ACAT2: variants seen among roughly 807,000 people sequenced by gnomAD.
ACAT2 encodes acetyl-CoA acetyltransferase, cytosolic.
Under a neutral mutation model 37.1 loss-of-function variants are expected in ACAT2, and 26 were observed. The observed-to-expected ratio is 0.70, with a 90% confidence interval of 0.51 to 0.97. ACAT2 has a LOEUF of 0.97. ACAT2 is among the 50% of genes least tolerant of loss of function. ACAT2 has a pLI of 0.00. For missense variants in ACAT2, 468 were observed against 489.0 expected, an observed-to-expected ratio of 0.96 and a Z score of 0.40; for synonymous variants, 156 against 163.6, an observed-to-expected ratio of 0.95 and a Z score of 0.35.
chr6:159,773,548 C>A (rs1780370428), intron 4 of ACAT2, among the ~76,000 whole-genome samples: 1 of 152,108 alleles, frequency 6.6e-6, no homozygotes, highest in African/African-American at 2.4e-5. Flanking sequence ...GAATTTTGAA[C>A]AATTTGAGCA....
chr6:159,762,664 T>C (rs1780169556), intron 1 of ACAT2: 2 of 1,464,816 alleles, frequency 1.4e-6, no homozygotes, highest in South Asian at 2.4e-5. Flanking sequence ...TCCTTCGGAT[T>C]TGGGGAAATA....
At chr6:159,778,398 G>GA in intron 8 of ACAT2, 118 bp downstream of exon 8, 1 of 581,216 alleles carries the variant, frequency 1.7e-6, no homozygotes, top group South Asian at 2.6e-5. Context: ...TAGTTACTAG[G>GA]ACTGAGTTCA....
At chr6:159,762,226 G>A (rs1372785790) in intron 1 of ACAT2, 84 bp downstream of exon 1, 1 of 1,479,874 alleles carries the variant, frequency 6.8e-7, no homozygotes, top group East Asian at 2.5e-5. Flanking sequence ...GTGTAGGAGA[G>A]GGGCGTATGT....
rs1048452042 is a variant in ACAT2, at chr6:159,762,353, T to A, written c.55+211T>A. 4 of 1,275,542 alleles carry A rather than the reference T, an allele frequency of 3.1e-6. No homozygotes were observed. The African/African-American group carries it at 6.0e-5, about 19-fold the overall frequency. The allele number at this position is 1,275,542 out of a possible 1,614,324, so 79.0% of individuals were successfully genotyped here. On this transcript the variant is annotated intron_variant, in intron 1 of 8. Coordinates refer to ENST00000367048, the MANE Select transcript of ACAT2 (RefSeq NM_005891.3). Reference sequence around the variant, plus strand: ...CCCTCTCCTCTCCCGATGTGCGCACTCCGTCCCTCGTGCTTGGATTGGCTC... The same window carrying A: ...CCCTCTCCTCTCCCGATGTGCGCACACCGTCCCTCGTGCTTGGATTGGCTC...
intron 4 of ACAT2, among the ~76,000 whole-genome samples, chr6:159,769,653 C>T (rs1408708489): frequency 6.6e-6 from 1 of 152,196 alleles, no homozygotes; most frequent in Non-Finnish European, 1.5e-5. Context: ...TCATGTAAGA[C>T]TGAGATCCTT....
intron 8 of ACAT2, 88 bp downstream of exon 8, chr6:159,778,368 G>A: frequency 1.2e-6 from 1 of 861,002 alleles, no homozygotes; most frequent in Non-Finnish European, 1.7e-6. Flanking sequence ...TGGCCATGTG[G>A]GTAATAGTTA....
intron 4 of ACAT2, among the ~76,000 whole-genome samples, chr6:159,769,305 C>T (rs544378855): frequency 2.6e-5 from 4 of 152,126 alleles, no homozygotes; most frequent in Non-Finnish European, 4.4e-5. Context: ...GCATCTTGAC[C>T]ACTTCTCGAC....
intron 1 of ACAT2, chr6:159,762,536 G>C (rs1308471032): frequency 1.5e-6 from 2 of 1,308,278 alleles, no homozygotes; most frequent in Non-Finnish European, 2.0e-6. Flanking sequence ...CTTTGGGCTG[G>C]GGTCGGGCTG....
chr6:159,762,066 A>C lies in ACAT2; in HGVS notation c.-22A>C. On this transcript the variant is annotated 5_prime_UTR_variant, in exon 1 of 9. Coordinates refer to ENST00000367048, the MANE Select transcript of ACAT2 (RefSeq NM_005891.3). The stretch of plus-strand genomic sequence containing the variant: ...GCCTAGCTTGCAGGCAGCGCAGGGC[A>C]GACGGCGGCAGGAGAAGCAAGATGA... 6.2e-7 allele frequency: 1 copy of C among 1,612,186 alleles called. No homozygotes were observed. The highest frequency in any genetic ancestry group is 1.1e-5 in the South Asian group (1 of 90,710).
At position 159,778,236 on chromosome 6, in the gene ACAT2, G is replaced by C; in HGVS notation, c.979G>C (p.Val327Leu). 2 of 1,612,240 alleles carry C rather than the reference G, an allele frequency of 1.2e-6. No homozygotes were observed. Among genetic ancestry groups the C allele is most frequent in the Non-Finnish European group, 1.7e-6 (2 of 1,179,650 alleles). ...IFEINEAFAA[V>L]SAAIVKELGL... The stretch of plus-strand genomic sequence containing the variant: ...TGAAATCAATGAAGCCTTTGCAGCT[G>C]TCTCTGCTGCAATAGTTAAAGAACT... Residue 327 changes from valine to leucine, a missense_variant, in exon 8 of 9, where the codon GTC becomes CTC. Physicochemically the swap from Val to Leu is conservative, Grantham distance 32. Transcript: ENST00000367048.
rs1780497288 is a variant in ACAT2, at chr6:159,778,812, T to A, written c.1177T>A (p.Cys393Ser). The change falls in exon 9 of 9, where the codon TGT becomes AGT. Residue 393 changes from cysteine to serine, a missense_variant. Transcript: ENST00000367048. ...CIGGGMGIAM[C>S]VQRE ...TGGGGGTGGGATGGGAATAGCAATG[T>A]GTGTTCAGAGAGAATGAATTGCTTA... 6.2e-7 allele frequency: 1 copy of A among 1,614,082 alleles called. No individual in the cohort carries two copies. Among genetic ancestry groups the A allele is most frequent in the South Asian group, 1.1e-5 (1 of 91,088 alleles).
intron 6 of ACAT2, among the ~76,000 whole-genome samples, 198 bp from the exon 7 acceptor site, chr6:159,777,104 A>G (rs180926462): frequency 1.3e-5 from 2 of 152,336 alleles, no homozygotes; most frequent in Admixed American, 1.3e-4. Context: ...CTGTAATCCT[A>G]CCACTTTCTC....
At chr6:159,766,806 C>G (rs928775848) in intron 2 of ACAT2, among the ~76,000 whole-genome samples, 199 bp from the exon 3 acceptor site, 1 of 152,172 alleles carries the variant, frequency 6.6e-6, no homozygotes, top group African/African-American at 2.4e-5. Flanking sequence ...CAGAGCAGCA[C>G]AAGGCAGTAT....
chr6:159,775,108 T>C, intron 4 of ACAT2, 62 bp from the exon 5 acceptor site: 1 of 1,579,286 alleles, frequency 6.3e-7, no homozygotes, highest in South Asian at 1.1e-5. Context: ...TGTGGACGAC[T>C]TGAGCTATCA....
chr6:159,777,534 T>C (rs1002343038), intron 7 of ACAT2, 78 bp downstream of exon 7: 11 of 1,417,396 alleles, frequency 7.8e-6, no homozygotes, highest in East Asian at 4.9e-5. Flanking sequence ...TAGTTAGCTC[T>C]AGTCTTTCCC....
chr6:159,774,973 C>A (rs535354798), intron 4 of ACAT2, among the ~76,000 whole-genome samples, 197 bp from the exon 5 acceptor site: 2 of 152,284 alleles, frequency 1.3e-5, no homozygotes, highest in East Asian at 3.9e-4. Flanking sequence ...AGAAGTATGA[C>A]TCCTGAGAGT....
intron 1 of ACAT2, 186 bp downstream of exon 1, chr6:159,762,328 C>G (rs1780157751): frequency 1.6e-6 from 2 of 1,215,468 alleles, no homozygotes; most frequent in Non-Finnish European, 2.2e-6. Context: ...TACAGCCCCA[C>G]CCTCTCCTCT....
intron 2 of ACAT2, among the ~76,000 whole-genome samples, 170 bp from the exon 3 acceptor site, chr6:159,766,833 CTG>C (rs111826339): frequency 0.016 from 2,444 of 152,338 alleles, 74 homozygotes; most frequent in African/African-American, 0.056. Flanking sequence ...AAGGGCTAGA[CTG>C]TGACAGGTGG....
Position 159,775,305 on chromosome 6 carries a change from C to G in ACAT2, c.626C>G (p.Thr209Ser). ...DKEIVPVLVS[T>S]RKGLIEVKTD... ...GAGATTGTACCAGTTTTGGTGTCAA[C>G]TAGAAAAGGTGAGTATATCATAGTG... The change falls in exon 5 of 9, where the codon ACT becomes AGT. Residue 209 changes from threonine (T) to serine (S), a missense_variant. Transcript: ENST00000367048. 1 of 1,614,038 alleles carries G rather than the reference C, an allele frequency of 6.2e-7. No individual in the cohort carries two copies. Among genetic ancestry groups the G allele is most frequent in the Non-Finnish European group, 8.5e-7 (1 of 1,179,994 alleles).
Sources: gnomAD v4.1 joint callset for allele counts (sites outside exome capture counted in the v4.1 genomes callset) on GRCh38, gnomAD v4.1.1 for gene constraint, MANE v1.5 for transcripts, NCBI Gene and HGNC (gene_info 2026-07-23, HGNC 2026-07-21) for gene names.